Variants in NKX6-1 observed in about 807,000 individuals in gnomAD.
NKX6-1 encodes the protein NK6 homeobox 1.
In NKX6-1, 11 loss-of-function variants were observed where a neutral mutation model predicts 24.9. The ratio of observed to expected loss-of-function variants is 0.44; its 90% CI spans 0.28 to 0.73. The LOEUF (loss-of-function observed/expected upper bound fraction) is 0.73. NKX6-1 is among the 30% of genes least tolerant of loss of function. The pLI is 0.15. For missense variants in NKX6-1, 487 were observed against 502.9 expected, an observed-to-expected ratio of 0.97 and a Z score of 0.30; for synonymous variants, 277 against 242.9, an observed-to-expected ratio of 1.14 and a Z score of -1.31.
In NKX6-1 at chr4:84,498,871, C is replaced by T. The variant is rs1720888457; in HGVS notation, c.-643G>A. Among the ~76,000 whole-genome samples the T allele has an allele frequency of 6.6e-6, 1 of 152,252 alleles. No individual in the cohort carries two copies. The highest frequency in any genetic ancestry group is 2.4e-5 in the African/African-American group (1 of 41,476). On this transcript the variant is annotated 5_prime_UTR_variant, in exon 1 of 3. Transcript: ENST00000295886. ...CTTCCTCCGCCCACGCTGCCCCGGG[C>T]TGCTGCGCCAGAAAGGGCAGTGCCA...
At position 84,499,282 on chromosome 4, in the gene NKX6-1, T is replaced by C. The variant is rs928830061; in HGVS notation, c.-1054A>G. Reference sequence around the variant, plus strand: ...GGGCCTGACAGTTCAGATGAAGCTCTCAAAGGTAATAAAACATTTGCATCA... The same window carrying C: ...GGGCCTGACAGTTCAGATGAAGCTCCCAAAGGTAATAAAACATTTGCATCA... On this transcript the variant is annotated 5_prime_UTR_variant, in exon 1 of 3. Coordinates refer to ENST00000295886, the MANE Select transcript of NKX6-1 (RefSeq NM_006168.3). Among the ~76,000 whole-genome samples the C allele has an allele frequency of 1.3e-5, 2 of 152,204 alleles. No homozygotes were observed. The highest frequency in any genetic ancestry group is 4.8e-5 in the African/African-American group (2 of 41,458).
At chr4:84,495,591 G>T in intron 2 of NKX6-1, 81 bp downstream of exon 2, 1 of 1,166,690 alleles carries the variant, frequency 8.6e-7, no homozygotes, top group Non-Finnish European at 1.2e-6. Flanking sequence ...TGGGGTGTGT[G>T]TGTGTGTGTG....
Position 84,498,356 on chromosome 4 carries a change from T to C in NKX6-1, c.-128A>G. ...GCACTCGGCGCGCCCGGAGGCGAGC[T>C]GCCAACTGAACCAAAAATGCCGCTG... On this transcript the variant is annotated 5_prime_UTR_variant, in exon 1 of 3. Coordinates refer to ENST00000295886, the MANE Select transcript of NKX6-1 (RefSeq NM_006168.3). 9.1e-7 allele frequency: 1 copy of C among 1,095,142 alleles called. No homozygotes were observed. Among genetic ancestry groups the C allele is most frequent in the Non-Finnish European group, 1.2e-6 (1 of 862,172 alleles). The allele number at this position is 1,095,142 out of a possible 1,614,324, so 67.8% of individuals were successfully genotyped here.
At position 84,498,291 on chromosome 4, in the gene NKX6-1, G is replaced by C. The variant is rs1397896021; in HGVS notation, c.-63C>G. On this transcript the variant is annotated 5_prime_UTR_variant, in exon 1 of 3. Transcript: ENST00000295886. ...GGCGCTGGCTGGTGCCCCCCGCGGGGCTCAGAGGAGCCGGAAGCGCCGAGG... is the reference window on the plus strand; with the variant it reads ...GGCGCTGGCTGGTGCCCCCCGCGGGCCTCAGAGGAGCCGGAAGCGCCGAGG... 1 of 1,276,284 alleles carries C rather than the reference G, an allele frequency of 7.8e-7. No individual in the cohort carries two copies. The highest frequency in any genetic ancestry group is 1.5e-5 in the African/African-American group (1 of 65,740). The allele number at this position is 1,276,284 out of a possible 1,614,324, so 79.1% of individuals were successfully genotyped here. A position where few individuals can be genotyped will look rare whatever the true frequency, so the allele number is the denominator to read the frequency against.
In NKX6-1 at chr4:84,493,508, G is replaced by A. The variant is rs1720767073; in HGVS notation, c.885C>T (p.His295=). The A allele has an allele frequency of 6.2e-7, 1 of 1,614,220 alleles. No homozygotes were observed. The highest frequency in any genetic ancestry group is 1.1e-5 in the South Asian group (1 of 91,086). ...QNRRTKWRKK[H]AAEMATAKKK... ...TCTTGGCCGTGGCCATCTCGGCAGC[G>A]TGCTTCTTCCTCCACTTGGTCCGGC... The change falls in exon 3 of 3, where the codon CAC becomes CAT. Residue 295 remains histidine (H), a synonymous_variant. Transcript: ENST00000295886. The surrounding 1 kb of genome is among the most constrained non-coding windows in gnomAD (Gnocchi z 5.1).
At position 84,494,174 on chromosome 4, in the gene NKX6-1, CAAA is replaced by C. The variant is rs34303850; in HGVS notation, c.844-628_844-626del. Among the ~76,000 whole-genome samples the C allele has an allele frequency of 1.4e-4, 15 of 107,572 alleles. No homozygotes were observed. In the South Asian group the frequency reaches 1.9e-3, roughly 14 times the overall value. The allele number at this position is 107,572 out of a possible 152,430, so 70.6% of individuals were successfully genotyped here. ...TTTACTTGCAATGTATGGTGCACTT[CAAA>C]AAAAAAAAAAAAAAGATCTGTTAAA... is the stretch of plus-strand genomic sequence containing the variant. On this transcript the variant is annotated intron_variant, in intron 2 of 2. Coordinates refer to ENST00000295886, the MANE Select transcript of NKX6-1 (RefSeq NM_006168.3).
Position 84,497,961 on chromosome 4 carries a change from G to T in NKX6-1, c.268C>A (p.Leu90Ile). 7.7e-7 allele frequency: 1 copy of T among 1,299,584 alleles called. No individual in the cohort carries two copies. Among genetic ancestry groups the T allele is most frequent in the Non-Finnish European group, 9.8e-7 (1 of 1,020,442 alleles). 80.5% of individuals were successfully genotyped at this position (1,299,584 alleles called of 1,614,324 possible). The stretch of plus-strand genomic sequence containing the variant: ...ATGCCGTGTGGGGTGGCGGCCGAGA[G>T]CTGCTGCGGGGGGCTGCCGAGGGAT... ...LSSLGSPPQQ[L>I]SAATPHGIND... Residue 90 changes from leucine to isoleucine, a missense_variant, in exon 1 of 3, where the codon CTC becomes ATC. Transcript: ENST00000295886. The surrounding 1 kb of genome is among the most constrained non-coding windows in gnomAD (Gnocchi z 4.8).
Position 84,498,518 on chromosome 4 carries a change from G to A in NKX6-1, c.-290C>T. ...CCGCGAGTCCTAGATTCGATCCCTG[G>A]CTATTCTCTCTTCCTCACTTTTCCT... On this transcript the variant is annotated 5_prime_UTR_variant, in exon 1 of 3. Transcript: ENST00000295886. 1.3e-5 allele frequency: 5 copies of A among 373,116 alleles called. No homozygotes were observed. Among genetic ancestry groups the A allele is most frequent in the Non-Finnish European group, 1.9e-5 (4 of 210,248 alleles). 23.1% of individuals were successfully genotyped at this position (373,116 alleles called of 1,614,324 possible). A position where few individuals can be genotyped will look rare whatever the true frequency, so the allele number is the denominator to read the frequency against.
In NKX6-1 at chr4:84,493,613, G is replaced by A; in HGVS notation, c.844-64C>T. 2 of 1,581,370 alleles carry A rather than the reference G, an allele frequency of 1.3e-6. No homozygotes were observed. Among genetic ancestry groups the A allele is most frequent in the Non-Finnish European group, 1.7e-6 (2 of 1,159,582 alleles). ...CGAGGAATTAAACGAGCAGATCCAGGCCATGCTACCACTCCCGCATCTCGA... is the reference window on the plus strand; with the variant it reads ...CGAGGAATTAAACGAGCAGATCCAGACCATGCTACCACTCCCGCATCTCGA... On this transcript the variant is annotated intron_variant, in intron 2 of 2. Coordinates refer to ENST00000295886, the MANE Select transcript of NKX6-1 (RefSeq NM_006168.3). The surrounding 1 kb of genome is among the most constrained non-coding windows in gnomAD (Gnocchi z 5.1).
chr4:84,496,121 G>C (rs1292657343), intron 1 of NKX6-1, among the ~76,000 whole-genome samples: 1 of 152,152 alleles, frequency 6.6e-6, no homozygotes, highest in East Asian at 1.9e-4. Context: ...TATTGCTAAA[G>C]TTTGCCAGAG....
chr4:84,493,171 A>C lies in NKX6-1; in HGVS notation c.*118T>G. On this transcript the variant is annotated 3_prime_UTR_variant, in exon 3 of 3. Coordinates refer to ENST00000295886, the MANE Select transcript of NKX6-1 (RefSeq NM_006168.3). The surrounding 1 kb of genome is among the most constrained non-coding windows in gnomAD (Gnocchi z 5.1). The stretch of plus-strand genomic sequence containing the variant: ...AAAATAGCAAAGGGTCCCCGCAGGC[A>C]GGGCCGGGTCCTCCGGGCCCCGAGG... 1.1e-6 allele frequency: 1 copy of C among 925,186 alleles called. No homozygotes were observed. Among genetic ancestry groups the C allele is most frequent in the Non-Finnish European group, 1.5e-6 (1 of 683,750 alleles). The allele number at this position is 925,186 out of a possible 1,614,324, so 57.3% of individuals were successfully genotyped here. A position where few individuals can be genotyped will look rare whatever the true frequency, so the allele number is the denominator to read the frequency against.
chr4:84,493,270 G>T lies in NKX6-1; in HGVS notation c.*19C>A. 5 of 1,447,908 alleles carry T rather than the reference G, an allele frequency of 3.5e-6. No individual in the cohort carries two copies. Among genetic ancestry groups the T allele is most frequent in the Non-Finnish European group, 4.5e-6 (5 of 1,109,026 alleles). The allele number at this position is 1,447,908 out of a possible 1,614,324, so 89.7% of individuals were successfully genotyped here. A position where few individuals can be genotyped will look rare whatever the true frequency, so the allele number is the denominator to read the frequency against. Reference sequence around the variant, plus strand: ...AGAGGTGGAGGCCGGAGCCGGGAAGGTGCGGCGGGCGGCGGCGTTCAGGAT... The same window carrying T: ...AGAGGTGGAGGCCGGAGCCGGGAAGTTGCGGCGGGCGGCGGCGTTCAGGAT... On this transcript the variant is annotated 3_prime_UTR_variant, in exon 3 of 3. Transcript: ENST00000295886. The surrounding 1 kb of genome is among the most constrained non-coding windows in gnomAD (Gnocchi z 5.1).
rs1404584292 is a variant in NKX6-1, at chr4:84,495,671, C to G, written c.843+1G>C. The G allele has an allele frequency of 6.2e-7, 1 of 1,612,016 alleles. No individual in the cohort carries two copies. Among genetic ancestry groups the G allele is most frequent in the Non-Finnish European group, 8.5e-7 (1 of 1,179,792 alleles). ...CCTCCAGGTATGCAAGGTCCACTCA[C>G]CTTGACCTGACTCTCTGTCATCCCC... On this transcript the variant is annotated splice_donor_variant, in intron 2 of 2. Coordinates refer to ENST00000295886, the MANE Select transcript of NKX6-1 (RefSeq NM_006168.3). LOFTEE classifies it high-confidence loss of function.
chr4:84,497,603 A>G lies in NKX6-1; in HGVS notation c.626T>C (p.Met209Thr), dbSNP rs1720845737. The G allele has an allele frequency of 2.3e-6, 3 of 1,277,946 alleles. No individual in the cohort carries two copies. The highest frequency in any genetic ancestry group is 3.0e-6 in the Non-Finnish European group (3 of 1,007,290). The allele number at this position is 1,277,946 out of a possible 1,614,324, so 79.2% of individuals were successfully genotyped here. ...GRTPIFWPGVMQSPPWRDARL... is the reference protein window; with the variant it reads ...GRTPIFWPGVTQSPPWRDARL... ...TGCGTCCCTCCAGGGCGGGCTCTGCATCACTCCGGGCCAGAAGATGGGCGT... is the reference window on the plus strand; with the variant it reads ...TGCGTCCCTCCAGGGCGGGCTCTGCGTCACTCCGGGCCAGAAGATGGGCGT... Residue 209 changes from methionine (M) to threonine (T), a missense_variant, in exon 1 of 3, where the codon ATG becomes ACG. By Grantham distance (81) the Met-to-Thr change is moderately conservative. This residue lies in a region of NKX6-1 where 316 missense variants were observed against 311.4 expected (regional missense o/e 1.01). Transcript: ENST00000295886. This position sits in a 1 kb window ranked among gnomAD's most constrained non-coding sequence, Gnocchi z 4.8.
rs1283312287 is a variant in NKX6-1 at position 84,493,799 on chromosome 4, G to C, written c.844-250C>G. Among the ~76,000 whole-genome samples, 1 of 152,162 alleles carries C rather than the reference G, an allele frequency of 6.6e-6. No homozygotes were observed. Among genetic ancestry groups the C allele is most frequent in the African/African-American group, 2.4e-5 (1 of 41,428 alleles). ...AGCGATGGTAACACAAGAGTATTGA[G>C]GTTGTCAGTGAGCGAGTTCTCAAAA... On this transcript the variant is annotated intron_variant, in intron 2 of 2. Transcript: ENST00000295886. The surrounding 1 kb of genome is among the most constrained non-coding windows in gnomAD (Gnocchi z 5.1).
At chr4:84,494,932 G>A (rs1448261950) in intron 2 of NKX6-1, among the ~76,000 whole-genome samples, 1 of 151,948 alleles carries the variant, frequency 6.6e-6, no homozygotes, top group Admixed American at 6.5e-5. Context: ...TTATTTTTTA[G>A]GAAAAAATTT....
In NKX6-1 at chr4:84,498,322, A is replaced by G; in HGVS notation, c.-94T>C. 1 of 1,244,212 alleles carries G rather than the reference A, an allele frequency of 8.0e-7. No homozygotes were observed. The allele number at this position is 1,244,212 out of a possible 1,614,324, so 77.1% of individuals were successfully genotyped here. A position where few individuals can be genotyped will look rare whatever the true frequency, so the allele number is the denominator to read the frequency against. On this transcript the variant is annotated 5_prime_UTR_variant, in exon 1 of 3. Transcript: ENST00000295886. ...AGGAGCCGGAAGCGCCGAGGGCGCGAGCGGAGAGGCACTCGGCGCGCCCGG... is the reference window on the plus strand; with the variant it reads ...AGGAGCCGGAAGCGCCGAGGGCGCGGGCGGAGAGGCACTCGGCGCGCCCGG...
chr4:84,497,725 C>T lies in NKX6-1; in HGVS notation c.504G>A (p.Pro168=), dbSNP rs1720848510. 8.0e-7 allele frequency: 1 copy of T among 1,257,182 alleles called. No individual in the cohort carries two copies. Among genetic ancestry groups the T allele is most frequent in the South Asian group, 3.4e-5 (1 of 29,232 alleles). The allele number at this position is 1,257,182 out of a possible 1,614,324, so 77.9% of individuals were successfully genotyped here. A position where few individuals can be genotyped will look rare whatever the true frequency, so the allele number is the denominator to read the frequency against. The change falls in exon 1 of 3, where the codon CCG becomes CCA. Residue 168 remains proline (P), a synonymous_variant. Transcript: ENST00000295886. The surrounding 1 kb of genome is among the most constrained non-coding windows in gnomAD (Gnocchi z 4.8). ...AGTAGAGCCCGGGCGGCGGCGGCGG[C>T]GGGCTCAGGCTGCTAAAGCGTGGCA... ...AGLPRFSSLS[P]PPPPPGLYFS... is the part of the protein sequence containing the mutation.
At position 84,497,814 on chromosome 4, in the gene NKX6-1, C is replaced by CGGCAGCGGCGGAGGA. The variant is rs1553928389; in HGVS notation, c.414_415insTCCTCCGCCGCTGCC (p.Ala138_Ala139insSerSerAlaAlaAla). The CGGCAGCGGCGGAGGA allele has an allele frequency of 1.2e-5, 15 of 1,270,650 alleles. No homozygotes were observed. In the Admixed American group the frequency reaches 1.3e-4, roughly 11 times the overall value. 78.7% of individuals were successfully genotyped at this position (1,270,650 alleles called of 1,614,324 possible). A position where few individuals can be genotyped will look rare whatever the true frequency, so the allele number is the denominator to read the frequency against. On this transcript the variant is annotated inframe_insertion, in exon 1 of 3. Coordinates refer to ENST00000295886, the MANE Select transcript of NKX6-1 (RefSeq NM_006168.3). This position sits in a 1 kb window ranked among gnomAD's most constrained non-coding sequence, Gnocchi z 4.8. ...GCGGCCGCGGCAGCAGCCGCGGCGG[C>CGGCAGCGGCGGAGGA]GGCAGAGGCGGAGGAGGCAGAGGCG...
Sources: gnomAD v4.1 joint callset for allele counts (sites outside exome capture counted in the v4.1 genomes callset) on GRCh38, gnomAD v4.1.1 for gene constraint, gnomAD v4.1.1 regional missense constraint, Gnocchi (gnomAD v3.1) non-coding constraint, MANE v1.5 for transcripts, NCBI Gene and HGNC (gene_info 2026-07-23, HGNC 2026-07-21) for gene names.